The following TMEM196 variants were observed in gnomAD, a reference collection of about 807,000 sequenced individuals.
TMEM196 encodes the protein transmembrane protein 196.
Under a neutral mutation model 20.0 loss-of-function variants are expected in TMEM196, and 17 were observed. The observed-to-expected ratio is 0.85, with a 90% confidence interval of 0.58 to 1.27. The LOEUF (loss-of-function observed/expected upper bound fraction) is 1.27. TMEM196 is among the 50% of genes most tolerant of loss of function. The probability of loss-of-function intolerance (pLI) is 0.00; values close to 1 mark genes in which losing one functional copy is unlikely to be tolerated. For missense variants in TMEM196, 267 were observed against 223.0 expected, an observed-to-expected ratio of 1.20 and a Z score of -1.26; for synonymous variants, 113 against 88.9, an observed-to-expected ratio of 1.27 and a Z score of -1.52.
intron 1 of TMEM196, among the ~76,000 whole-genome samples, chr7:19,731,263 A>C (rs1784191883): frequency 1.3e-5 from 2 of 152,212 alleles, no homozygotes; most frequent in African/African-American, 4.8e-5. Flanking sequence ...AACCATGAGA[A>C]GATAGAAACT....
chr7:19,748,795 A>G (rs1313501443), intron 1 of TMEM196, among the ~76,000 whole-genome samples: 1 of 152,226 alleles, frequency 6.6e-6, no homozygotes, highest in African/African-American at 2.4e-5. Flanking sequence ...AAAGTTTTTT[A>G]GGAGGTAGAG....
chr7:19,748,625 A>G (rs1784850279), intron 1 of TMEM196, among the ~76,000 whole-genome samples: 1 of 152,200 alleles, frequency 6.6e-6, no homozygotes, highest in Non-Finnish European at 1.5e-5. Context: ...GAAGACATGT[A>G]CAGAAAGACT....
At chr7:19,764,947 A>G (rs1785567883) in intron 1 of TMEM196, among the ~76,000 whole-genome samples, 1 of 152,186 alleles carries the variant, frequency 6.6e-6, no homozygotes. Context: ...AAAATTTCCA[A>G]AGTCCCACAC....
Position 19,753,774 on chromosome 7 carries a change from A to G in TMEM196, c.147+18776T>C, listed in dbSNP as rs370420574. On this transcript the variant is annotated intron_variant, in intron 1 of 4. Coordinates refer to ENST00000405844, the MANE Select transcript of TMEM196 (RefSeq NM_001363562.2). ...GGTTCCTCATAGTTGGACCAAGCCT[A>G]CCTCTTCAAGCTCCCTTCTTTCTGT... 9.9e-4 allele frequency among the ~76,000 whole-genome samples: 150 copies of G among 152,272 alleles called. 2 individuals are homozygous for G. The highest frequency in any genetic ancestry group is 3.5e-3 in the African/African-American group (144 of 41,546).
intron 1 of TMEM196, among the ~76,000 whole-genome samples, chr7:19,752,034 T>G (rs16872381): frequency 1.3e-5 from 2 of 152,202 alleles, no homozygotes. Flanking sequence ...GTCTTCGAAA[T>G]GCTACCAATC....
chr7:19,772,493 C>G, intron 1 of TMEM196, 57 bp downstream of exon 1: 2 of 1,448,510 alleles, frequency 1.4e-6, no homozygotes, highest in Non-Finnish European at 1.8e-6. Flanking sequence ...TGACCATCAC[C>G]GTAAAGAGGT....
At chr7:19,743,095 G>A (rs1263971263) in intron 1 of TMEM196, among the ~76,000 whole-genome samples, 1 of 152,104 alleles carries the variant, frequency 6.6e-6, no homozygotes, top group African/African-American at 2.4e-5. Flanking sequence ...GTTTTGTGTA[G>A]TTTGTCTTTG....
intron 1 of TMEM196, among the ~76,000 whole-genome samples, chr7:19,738,604 G>A (rs78927215): frequency 0.02 from 3,086 of 152,022 alleles, 105 homozygotes; most frequent in African/African-American, 0.07. Context: ...AGATGAACAT[G>A]GAGCATACAA....
intron 1 of TMEM196, among the ~76,000 whole-genome samples, chr7:19,754,452 G>T (rs1785119478): frequency 6.6e-6 from 1 of 152,132 alleles, no homozygotes; most frequent in Admixed American, 6.5e-5. Context: ...TCCAAAAAGA[G>T]AATATGATTA....
chr7:19,759,210 G>A (rs7791038), intron 1 of TMEM196, among the ~76,000 whole-genome samples: 39,464 of 151,922 alleles, frequency 0.26, 6,800 homozygotes, highest in East Asian at 0.62. Flanking sequence ...CCTGGCCTAT[G>A]TTCCCATTAC....
intron 1 of TMEM196, among the ~76,000 whole-genome samples, chr7:19,744,334 G>A (rs2128025817): frequency 6.6e-6 from 1 of 152,120 alleles, no homozygotes; most frequent in South Asian, 2.1e-4. Flanking sequence ...TGTCTTTGTA[G>A]TATTATAAGA....
intron 3 of TMEM196, 117 bp from the exon 4 acceptor site, chr7:19,724,470 G>A: frequency 2.3e-6 from 2 of 863,008 alleles, no homozygotes; most frequent in Non-Finnish European, 1.8e-6. Flanking sequence ...CATATAAAAT[G>A]GTCATCTATT....
intron 1 of TMEM196, among the ~76,000 whole-genome samples, chr7:19,761,637 G>A (rs1350186667): frequency 6.6e-6 from 1 of 152,206 alleles, no homozygotes; most frequent in African/African-American, 2.4e-5. Context: ...ACTCAAGAGA[G>A]AGATGGAAAG....
chr7:19,723,270 C>T (rs955552519), intron 4 of TMEM196, among the ~76,000 whole-genome samples: 3 of 151,968 alleles, frequency 2.0e-5, no homozygotes, highest in Non-Finnish European at 4.4e-5. Flanking sequence ...AATCACCCCC[C>T]ACCCCCAATG....
intron 1 of TMEM196, among the ~76,000 whole-genome samples, chr7:19,739,269 G>C (rs1784507176): frequency 6.6e-6 from 1 of 152,072 alleles, no homozygotes. Context: ...AGGTAGCAAG[G>C]CACAAATTAA....
At chr7:19,729,015 G>C (rs1256213256) in intron 2 of TMEM196, among the ~76,000 whole-genome samples, 1 of 152,140 alleles carries the variant, frequency 6.6e-6, no homozygotes, top group Non-Finnish European at 1.5e-5. Flanking sequence ...ATATTTAAAT[G>C]GTTACATTTC....
chr7:19,723,354 C>T (rs1783877024), intron 4 of TMEM196, among the ~76,000 whole-genome samples: 1 of 151,514 alleles, frequency 6.6e-6, no homozygotes, highest in Non-Finnish European at 1.5e-5. Flanking sequence ...TTTACATAAA[C>T]CCGTTAGGTG....
At chr7:19,762,379 G>T (rs1179969010) in intron 1 of TMEM196, among the ~76,000 whole-genome samples, 1 of 151,866 alleles carries the variant, frequency 6.6e-6, no homozygotes, top group Non-Finnish European at 1.5e-5. Flanking sequence ...GAAGTAAAAA[G>T]GAATGTGATT....
At chr7:19,757,167 A>C (rs1785251349) in intron 1 of TMEM196, among the ~76,000 whole-genome samples, 1 of 143,466 alleles carries the variant, frequency 7.0e-6, no homozygotes, top group Non-Finnish European at 1.5e-5. Flanking sequence ...CTTATATTGC[A>C]GTAGATACTT....
Sources: gnomAD v4.1 joint callset for allele counts (sites outside exome capture counted in the v4.1 genomes callset) on GRCh38, gnomAD v4.1.1 for gene constraint, MANE v1.5 for transcripts, NCBI Gene and HGNC (gene_info 2026-07-23, HGNC 2026-07-21) for gene names.